The following CFAP61 variants were observed in gnomAD, a reference collection of about 807,000 sequenced individuals.
CFAP61 encodes cilia- and flagella-associated protein 61.
In CFAP61, 107 loss-of-function variants were observed where a neutral mutation model predicts 135.6. The ratio of observed to expected loss-of-function variants is 0.79; its 90% CI spans 0.67 to 0.93. The LOEUF (loss-of-function observed/expected upper bound fraction) is 0.93, where lower values mean the gene tolerates loss of function less well. CFAP61 is among the 40% of genes least tolerant of loss of function. CFAP61 has a pLI of 0.00. For missense variants in CFAP61, 1,507 were observed against 1,556.2 expected, an observed-to-expected ratio of 0.97 and a Z score of 0.53; for synonymous variants, 575 against 578.5, an observed-to-expected ratio of 0.99 and a Z score of 0.09.
intron 18 of CFAP61, among the ~76,000 whole-genome samples, chr20:20,240,993 C>G (rs2049982043): frequency 6.6e-6 from 1 of 152,166 alleles, no homozygotes; most frequent in African/African-American, 2.4e-5. Context: ...ATGGGCCCAG[C>G]TGCCTAGCTG....
chr20:20,146,601 C>T (rs1315750148), intron 9 of CFAP61, among the ~76,000 whole-genome samples: 1 of 152,124 alleles, frequency 6.6e-6, no homozygotes, highest in Non-Finnish European at 1.5e-5. Context: ...AATTATATAT[C>T]TTGAGGATAA....
At chr20:20,096,641 G>A (rs546445280) in intron 7 of CFAP61, among the ~76,000 whole-genome samples, 1 of 152,324 alleles carries the variant, frequency 6.6e-6, no homozygotes, top group Non-Finnish European at 1.5e-5. Context: ...GAACCAAGAT[G>A]GATGCCAATT....
chr20:20,273,226 C>T (rs2053498720), intron 21 of CFAP61, among the ~76,000 whole-genome samples: 2 of 151,948 alleles, frequency 1.3e-5, no homozygotes, highest in African/African-American at 4.8e-5. Flanking sequence ...TTCTTGTTTC[C>T]CTGAGCTTAA....
chr20:20,350,855 A>C (rs973842031), intron 26 of CFAP61, among the ~76,000 whole-genome samples: 2 of 152,248 alleles, frequency 1.3e-5, no homozygotes, highest in African/African-American at 4.8e-5. Flanking sequence ...GAACCTCAAA[A>C]CATTATGCTA....
At chr20:20,345,030 T>A (rs1569319297) in intron 26 of CFAP61, among the ~76,000 whole-genome samples, 1 of 152,134 alleles carries the variant, frequency 6.6e-6, no homozygotes, top group African/African-American at 2.4e-5. Context: ...TTCTCACACA[T>A]GTGTGGGAGC....
intron 8 of CFAP61, among the ~76,000 whole-genome samples, chr20:20,129,338 AC>A (rs1442637746): frequency 6.6e-6 from 1 of 151,838 alleles, no homozygotes; most frequent in Non-Finnish European, 1.5e-5. Context: ...TTTGCTGGAT[AC>A]AGTATTCTCC....
At chr20:20,105,516 T>G (rs772021503) in intron 8 of CFAP61, among the ~76,000 whole-genome samples, 1 of 152,248 alleles carries the variant, frequency 6.6e-6, no homozygotes, top group Non-Finnish European at 1.5e-5. Flanking sequence ...CTTTGATGCC[T>G]GTACTCAAGG....
chr20:20,191,134 CAAT>C (rs1047933781), intron 14 of CFAP61, among the ~76,000 whole-genome samples: 51 of 151,664 alleles, frequency 3.4e-4, no homozygotes, highest in African/African-American at 1.0e-3. Flanking sequence ...ATAATAATAA[CAAT>C]AATAATAATA....
intron 8 of CFAP61, among the ~76,000 whole-genome samples, chr20:20,134,850 T>C (rs1455829002): frequency 6.6e-6 from 1 of 152,162 alleles, no homozygotes; most frequent in Non-Finnish European, 1.5e-5. Context: ...TTGACTTTCC[T>C]AGTAAGCATT....
At chr20:20,120,038 A>G (rs1362619347) in intron 8 of CFAP61, among the ~76,000 whole-genome samples, 1 of 152,138 alleles carries the variant, frequency 6.6e-6, no homozygotes, top group Non-Finnish European at 1.5e-5. Flanking sequence ...GGTTGAGTTT[A>G]TGTCTTTGCT....
chr20:20,353,543 T>C (rs2058928867), intron 26 of CFAP61, among the ~76,000 whole-genome samples: 1 of 152,216 alleles, frequency 6.6e-6, no homozygotes, highest in Non-Finnish European at 1.5e-5. Flanking sequence ...TGTTTAATAT[T>C]AGAAGTGTTT....
At chr20:20,082,212 A>G (rs1458255887) in intron 6 of CFAP61, among the ~76,000 whole-genome samples, 2 of 152,228 alleles carry the variant, frequency 1.3e-5, no homozygotes, top group Non-Finnish European at 2.9e-5. Context: ...AGTTACTTGC[A>G]CTGATAGTTA....
At chr20:20,053,016 GTAAC>G (rs951544502) in intron 1 of CFAP61, among the ~76,000 whole-genome samples, 1 of 152,128 alleles carries the variant, frequency 6.6e-6, no homozygotes. Context: ...TATAAATAGA[GTAAC>G]TGGAAAACAA....
At chr20:20,288,480 T>A (rs1380868714) in intron 22 of CFAP61, 129 bp from the exon 23 acceptor site, 9 of 725,892 alleles carry the variant, frequency 1.2e-5, no homozygotes, top group South Asian at 1.0e-4. Flanking sequence ...ACAAACAACA[T>A]GATAGCAAAC....
chr20:20,061,915 C>A (rs1311661579), intron 2 of CFAP61, among the ~76,000 whole-genome samples: 1 of 152,166 alleles, frequency 6.6e-6, no homozygotes, highest in East Asian at 1.9e-4. Flanking sequence ...CAGCTAGGGC[C>A]CCTGCATGAA....
intron 25 of CFAP61, among the ~76,000 whole-genome samples, chr20:20,305,686 CG>C (rs1181555990): frequency 1.3e-5 from 2 of 152,200 alleles, no homozygotes; most frequent in African/African-American, 4.8e-5. Flanking sequence ...CAGTCCTGTG[CG>C]ACCAGCCTCG....
At chr20:20,321,565 T>G (rs868615756) in intron 25 of CFAP61, among the ~76,000 whole-genome samples, 3 of 152,312 alleles carry the variant, frequency 2.0e-5, no homozygotes, top group Middle Eastern at 3.4e-3. Context: ...GACTAGGTTT[T>G]GGGAAGGAAC....
chr20:20,120,077 T>C (rs2049490255), intron 8 of CFAP61, among the ~76,000 whole-genome samples: 1 of 152,226 alleles, frequency 6.6e-6, no homozygotes, highest in South Asian at 2.1e-4. Flanking sequence ...GTGAATATAC[T>C]GTGCATGTGT....
At chr20:20,350,000 A>C (rs1035840873) in intron 26 of CFAP61, among the ~76,000 whole-genome samples, 13 of 152,240 alleles carry the variant, frequency 8.5e-5, no homozygotes, top group Non-Finnish European at 1.9e-4. Flanking sequence ...AACAGTAACC[A>C]AGACAGTGTG....
Sources: allele counts gnomAD v4.1 joint callset (sites outside exome capture counted in the v4.1 genomes callset), GRCh38; gene constraint gnomAD v4.1.1; transcripts MANE v1.5; gene names NCBI Gene and HGNC (gene_info 2026-07-23, HGNC 2026-07-21).